ZNF608: variants seen among roughly 807,000 people sequenced by gnomAD.
ZNF608 encodes zinc finger protein 608.
In ZNF608, 12 loss-of-function variants were observed where a neutral mutation model predicts 109.0. That is an observed-to-expected ratio of 0.11 (90% confidence interval 0.07 to 0.18). The LOEUF is 0.18. Among genes scored for constraint, ZNF608 ranks in the 10% least tolerant of loss-of-function variants. The pLI, the probability that ZNF608 is intolerant of heterozygous loss-of-function variation, is 1.00. For missense variants in ZNF608, 1,707 were observed against 1,879.3 expected (o/e 0.91, Z 1.70); for synonymous variants, 732 against 717.4 (o/e 1.02, Z -0.33).
At position 124,647,006 on chromosome 5, in the gene ZNF608, G is replaced by C. The variant is rs200127477; in HGVS notation, c.3378C>G (p.Asp1126Glu). 1 of 1,614,020 alleles carries C rather than the reference G, an allele frequency of 6.2e-7. No homozygotes were observed. Among genetic ancestry groups the C allele is most frequent in the East Asian group, 2.2e-5 (1 of 44,888 alleles). Reference sequence around the variant, plus strand: ...AGGGGAGCTCACTTTTCCTTTCACAGTCTCCTCTCCCAGTCTGGGCCATTT... The same window carrying C: ...AGGGGAGCTCACTTTTCCTTTCACACTCTCCTCTCCCAGTCTGGGCCATTT... ...EQKMAQTGRG[D>E]CERKSELPLK... Residue 1126 changes from aspartate to glutamate, a missense_variant, in exon 5 of 10, where the codon GAC becomes GAG. Around this residue, in one of 7 missense-constraint regions of ZNF608, gnomAD observed 1,073 missense variants for 1,133.5 expected, o/e 0.95. Coordinates refer to ENST00000513986, the MANE Select transcript of ZNF608 (RefSeq NM_020747.3).
chr5:124,701,159 C>T lies in ZNF608; in HGVS notation c.1017G>A (p.Pro339=), dbSNP rs61752316. 2.6e-3 allele frequency: 4,131 copies of T among 1,614,110 alleles called. 8 individuals carry two copies. Among genetic ancestry groups the T allele is most frequent in the Non-Finnish European group, 2.6e-3 (3,111 of 1,180,020 alleles). ...FSPSSSNIAA[P]VEQLLVRTRS... is the part of the protein sequence containing the mutation. ...GAGTCCGAACCAAAAGCTGTTCAAC[C>T]GGTGCTGCAATATTGGATGAAGATG... is the stretch of plus-strand genomic sequence containing the variant. Residue 339 remains proline, a synonymous_variant, in exon 3 of 10, where the codon CCG becomes CCA. Transcript: ENST00000513986.
chr5:124,691,426 C>G (rs964716492), intron 3 of ZNF608, among the ~76,000 whole-genome samples: 1 of 152,188 alleles, frequency 6.6e-6, no homozygotes, highest in Admixed American at 6.5e-5. Context: ...GACACCATCT[C>G]ATACCTGTTA....
In ZNF608 at chr5:124,744,693, T is replaced by C. The variant is rs1476702709; in HGVS notation, c.297A>G (p.Lys99=). 6.2e-7 allele frequency: 1 copy of C among 1,614,110 alleles called. No individual in the cohort carries two copies. The highest frequency in any genetic ancestry group is 8.5e-7 in the Non-Finnish European group (1 of 1,180,056). Residue 99 remains lysine, a synonymous_variant, in exon 2 of 10, where the codon AAA becomes AAG. Transcript: ENST00000513986. The surrounding 1 kb of genome is among the most constrained non-coding windows in gnomAD (Gnocchi z 4.5). ...QASAPQGNSH[K]ETSKSKVKRS... ...TTTTCACTTTTGATTTGCTGGTCTCTTTGTGTGAATTCCCCTGGGGAGCAG... is the reference window on the plus strand; with the variant it reads ...TTTTCACTTTTGATTTGCTGGTCTCCTTGTGTGAATTCCCCTGGGGAGCAG...
At chr5:124,653,718 C>A (rs1446729661) in intron 3 of ZNF608, among the ~76,000 whole-genome samples, 1 of 152,140 alleles carries the variant, frequency 6.6e-6, no homozygotes, top group East Asian at 1.9e-4. Context: ...GGAGCAAAGG[C>A]AGCCAGCCCA....
At chr5:124,701,986 A>G (rs1261429895) in intron 2 of ZNF608, among the ~76,000 whole-genome samples, 2 of 152,230 alleles carry the variant, frequency 1.3e-5, no homozygotes, top group Admixed American at 6.5e-5. Flanking sequence ...AATGAGTTTG[A>G]TTAAGGCTCA....
At chr5:124,743,956 C>T (rs775528381) in intron 2 of ZNF608, 128 bp downstream of exon 2, 45 of 1,319,890 alleles carry the variant, frequency 3.4e-5, no homozygotes, top group Non-Finnish European at 4.3e-5. Context: ...ATAAAGGATG[C>T]ATATCATAGA....
intron 3 of ZNF608, among the ~76,000 whole-genome samples, chr5:124,670,502 A>C (rs1751671231): frequency 6.6e-6 from 1 of 152,118 alleles, no homozygotes; most frequent in African/African-American, 2.4e-5. Context: ...AAGAGAAAAA[A>C]CTAATAGCAA....
upstream of ZNF608, chr5:124,748,516 C>T (rs1277371055): frequency 3.0e-6 from 3 of 985,132 alleles, no homozygotes; most frequent in Non-Finnish European, 3.6e-6. Flanking sequence ...AGAGACACAC[C>T]ACGCAACCGT....
At chr5:124,702,699 C>T (rs1753104017) in intron 2 of ZNF608, among the ~76,000 whole-genome samples, 1 of 152,150 alleles carries the variant, frequency 6.6e-6, no homozygotes, top group South Asian at 2.1e-4. Context: ...CAAGATGCAA[C>T]AGAACAGCCT....
rs1748906255 is a variant in ZNF608 at position 124,731,614 on chromosome 5, C to A, written c.906+12470G>T. Among the ~76,000 whole-genome samples, 3 of 151,838 alleles carry A rather than the reference C, an allele frequency of 2.0e-5. No individual in the cohort carries two copies. In the South Asian group the frequency reaches 6.2e-4, roughly 32 times the overall value. ...GCTGAGGCGGGCAGATTACCTGAGG[C>A]CAGGAGTTCGAGACTAGCCTGGCCA... On this transcript the variant is annotated intron_variant, in intron 2 of 9. Coordinates refer to ENST00000513986, the MANE Select transcript of ZNF608 (RefSeq NM_020747.3).
intron 3 of ZNF608, among the ~76,000 whole-genome samples, chr5:124,669,500 G>C (rs11958542): frequency 0.6 from 90,727 of 151,998 alleles, 27,741 homozygotes; most frequent in East Asian, 0.67. Context: ...CAAAACAAAT[G>C]GGCTGTCCCT....
At chr5:124,699,969 T>C (rs1445189702) in intron 3 of ZNF608, among the ~76,000 whole-genome samples, 1 of 149,236 alleles carries the variant, frequency 6.7e-6, no homozygotes, top group Non-Finnish European at 1.5e-5. Context: ...GATGAATAAT[T>C]GTGAGTCTCA....
chr5:124,709,981 A>C (rs1437112010), intron 2 of ZNF608, among the ~76,000 whole-genome samples: 1 of 152,250 alleles, frequency 6.6e-6, no homozygotes, highest in Non-Finnish European at 1.5e-5. Context: ...GTTTTTAAAA[A>C]GAAAGTTCAG....
intron 3 of ZNF608, among the ~76,000 whole-genome samples, chr5:124,656,705 G>T (rs1266553382): frequency 6.6e-6 from 1 of 151,122 alleles, no homozygotes; most frequent in African/African-American, 2.4e-5. Context: ...TCTTTCAAAA[G>T]TACATTTGGT....
intron 2 of ZNF608, among the ~76,000 whole-genome samples, chr5:124,715,330 T>A (rs1200077386): frequency 6.6e-6 from 1 of 152,182 alleles, no homozygotes; most frequent in Non-Finnish European, 1.5e-5. Flanking sequence ...AGGATCACGC[T>A]CTCTTGGCAT....
intron 2 of ZNF608, among the ~76,000 whole-genome samples, chr5:124,720,229 G>T (rs372133490): frequency 7.9e-5 from 12 of 152,292 alleles, no homozygotes; most frequent in African/African-American, 2.9e-4. Context: ...GGCAAGCGGG[G>T]TGTCTCAAAA....
At chr5:124,667,065 C>A (rs6881521) in intron 3 of ZNF608, among the ~76,000 whole-genome samples, 20,274 of 152,092 alleles carry the variant, frequency 0.13, 1,435 homozygotes, top group East Asian at 0.22. Context: ...CATAAATTTT[C>A]ATCTACTTAA....
chr5:124,694,510 C>T (rs962710727), intron 3 of ZNF608, among the ~76,000 whole-genome samples: 2 of 152,026 alleles, frequency 1.3e-5, no homozygotes, highest in African/African-American at 4.8e-5. Context: ...CTTCAGAAGT[C>T]CACTGCTACC....
chr5:124,641,229 A>G (rs770817370), intron 8 of ZNF608, 23 bp downstream of exon 8: 3 of 1,613,208 alleles, frequency 1.9e-6, no homozygotes, highest in South Asian at 2.2e-5. Flanking sequence ...GGACAAAGAC[A>G]CAGTAATGAT....
Sources: allele counts gnomAD v4.1 joint callset (sites outside exome capture counted in the v4.1 genomes callset), GRCh38; gene constraint gnomAD v4.1.1; regional missense constraint gnomAD v4.1.1; non-coding constraint Gnocchi (gnomAD v3.1); transcripts MANE v1.5; gene names NCBI Gene and HGNC (gene_info 2026-07-23, HGNC 2026-07-21).